The following FCGR2B variants were observed in gnomAD, a reference collection of about 807,000 sequenced individuals.
The protein encoded by FCGR2B is Fc gamma receptor IIb, also known as low affinity immunoglobulin gamma Fc region receptor II-b.
In FCGR2B, 18 loss-of-function variants were observed where a neutral mutation model predicts 24.8. The ratio of observed to expected loss-of-function variants is 0.73; its 90% confidence interval spans 0.50 to 1.08. The LOEUF is 1.08. Among genes scored for constraint, FCGR2B ranks in the 50% least tolerant of loss-of-function variants. The pLI is 0.00. For synonymous variants in FCGR2B, 79 were observed against 109.8 expected, an observed-to-expected ratio of 0.72 and a Z score of 1.75; for missense variants, 215 against 297.6, an observed-to-expected ratio of 0.72 and a Z score of 2.04.
intron 6 of FCGR2B, chr1:161,675,535 CAG>C (rs1450228779): frequency 1.1e-5 from 5 of 446,720 alleles, no homozygotes; most frequent in Non-Finnish European, 2.0e-5. Flanking sequence ...GTCCCAGATA[CAG>C]AAGAGAGGGC....
At chr1:161,654,661 G>A in the FCGR2B span, among the ~76,000 whole-genome samples, 1 of 132,886 alleles carries the variant, frequency 7.5e-6, no homozygotes, top group African/African-American at 2.5e-5. Flanking sequence ...GGCTTTCAGC[G>A]ATTTATTAAA....
the FCGR2B span, among the ~76,000 whole-genome samples, chr1:161,656,095 G>A: frequency 1.6e-5 from 2 of 127,764 alleles, no homozygotes; most frequent in Admixed American, 8.2e-5. Context: ...GAGCTGAGGT[G>A]ATCCACCTGC....
At chr1:161,675,176 C>G (rs1682008477) in intron 5 of FCGR2B, 81 bp from the exon 6 acceptor site, 2 of 942,580 alleles carry the variant, frequency 2.1e-6, no homozygotes, top group South Asian at 2.9e-5. Flanking sequence ...CTGGTCCCAT[C>G]CAACCCTGGC....
Position 161,677,531 on chromosome 1 carries a change from C to T in FCGR2B, c.911C>T (p.Pro304Leu), listed in dbSNP as rs778833256. Residue 304 changes from proline to leucine, a missense_variant, in exon 8 of 8, where the codon CCT becomes CTT. Coordinates refer to ENST00000358671, the MANE Select transcript of FCGR2B (RefSeq NM_001394477.1). Reference sequence around the variant, plus strand: ...ATGCACCCGGATGCTCTGGAAGAGCCTGATGACCAGAACCGTATTTAGTCT... The same window carrying T: ...ATGCACCCGGATGCTCTGGAAGAGCTTGATGACCAGAACCGTATTTAGTCT... ...LLMHPDALEEPDDQNRI is the reference protein window; with the variant it reads ...LLMHPDALEELDDQNRI 17 of 1,613,096 alleles carry T rather than the reference C, an allele frequency of 1.1e-5. No individual in the cohort carries two copies. The East Asian group carries it at 3.8e-4, about 36-fold the overall frequency.
intron 6 of FCGR2B, 166 bp downstream of exon 6, chr1:161,675,479 C>T (rs1034070493): frequency 1.4e-5 from 7 of 510,508 alleles, no homozygotes; most frequent in East Asian, 1.0e-4. Context: ...TAGTCTAACT[C>T]CTGGGCCTAA....
chr1:161,674,872 CT>C (rs1342394305), intron 5 of FCGR2B: 1 of 160,154 alleles, frequency 6.2e-6, no homozygotes, highest in Non-Finnish European at 1.3e-5. Flanking sequence ...AGAAAGAATC[CT>C]GCTAACACCT....
chr1:161,676,025 C>T lies in FCGR2B; in HGVS notation c.817+712C>T, dbSNP rs186463213. The T allele has an allele frequency of 1.7e-3, 400 of 232,114 alleles. 2 individuals carry two copies. Among genetic ancestry groups the T allele is most frequent in the African/African-American group, 4.9e-3 (221 of 45,352 alleles). 14.4% of individuals were successfully genotyped at this position (232,114 alleles called of 1,614,324 possible). ...AATGAGTGGGTGGCCAGGGTGACCT[C>T]TCAGGTCTTCTAGATTTGACATTCT... On this transcript the variant is annotated intron_variant, in intron 6 of 7. Coordinates refer to ENST00000358671, the MANE Select transcript of FCGR2B (RefSeq NM_001394477.1).
intron 4 of FCGR2B, chr1:161,673,514 G>T (rs532333115): frequency 4.1e-6 from 3 of 727,228 alleles, no homozygotes; most frequent in East Asian, 5.3e-5. Context: ...TGGTGCAGAG[G>T]TTCCCTAAGC....
chr1:161,651,784 T>C, the FCGR2B span, among the ~76,000 whole-genome samples: 22 of 121,256 alleles, frequency 1.8e-4, no homozygotes, highest in African/African-American at 5.7e-4. Flanking sequence ...AAACACAAAA[T>C]TAGCCAGTCG....
chr1:161,677,266 C>G (rs371088903), intron 6 of FCGR2B, 62 bp from the exon 7 acceptor site: 1 of 1,532,552 alleles, frequency 6.5e-7, no homozygotes, highest in African/African-American at 1.4e-5. Context: ...GCCTCAGCAT[C>G]AGCACAGGCA....
intron 3 of FCGR2B, chr1:161,672,278 G>A (rs912480128): frequency 1.3e-5 from 2 of 155,476 alleles, no homozygotes; most frequent in African/African-American, 4.9e-5. Flanking sequence ...ATTGAAAGGT[G>A]GCTCTCTGTA....
chr1:161,671,634 C>G lies in FCGR2B; in HGVS notation c.376C>G (p.Leu126Val). Residue 126 changes from leucine (L) to valine (V), a missense_variant, in exon 3 of 8, where the codon CTG becomes GTG. Physicochemically the swap from Leu to Val is conservative, Grantham distance 32 (BLOSUM62 1). Transcript: ENST00000358671. ...GQTSLSDPVH[L>V]TVLSEWLVLQ... ...GACCAGCCTCAGCGACCCTGTGCAT[C>G]TGACTGTGCTTTCTGGTCAGTGGAG... The G allele has an allele frequency of 5.0e-6, 8 of 1,613,724 alleles. No individual in the cohort carries two copies. The highest frequency in any genetic ancestry group is 5.9e-6 in the Non-Finnish European group (7 of 1,179,624).
the FCGR2B span, among the ~76,000 whole-genome samples, chr1:161,650,449 C>T: frequency 6.9e-6 from 1 of 144,768 alleles, no homozygotes. Context: ...TGAAGCAAGG[C>T]TCTCATTCTC....
the FCGR2B span, among the ~76,000 whole-genome samples, chr1:161,649,020 G>T: frequency 3.5e-3 from 522 of 150,912 alleles, no homozygotes; most frequent in East Asian, 0.03. Flanking sequence ...AGTTATGAAG[G>T]TCACTGAAGC....
chr1:161,648,108 G>C, the FCGR2B span, among the ~76,000 whole-genome samples: 1 of 150,306 alleles, frequency 6.7e-6, no homozygotes, highest in Admixed American at 6.7e-5. Context: ...GTTAAGAATA[G>C]GATTGGGCAG....
chr1:161,669,744 G>A (rs982077048), intron 1 of FCGR2B, among the ~76,000 whole-genome samples: 2 of 110,028 alleles, frequency 1.8e-5, no homozygotes, highest in African/African-American at 6.3e-5. Context: ...TGTGAACAGC[G>A]TGTGTCTGTG....
chr1:161,677,076 C>G, intron 6 of FCGR2B: 1 of 527,230 alleles, frequency 1.9e-6, no homozygotes, highest in South Asian at 2.6e-5. Flanking sequence ...CAGCAATTCC[C>G]TGAAAAGAAT....
chr1:161,647,653 C>G, the FCGR2B span, among the ~76,000 whole-genome samples: 109 of 150,948 alleles, frequency 7.2e-4, 5 homozygotes, highest in African/African-American at 2.3e-3. Flanking sequence ...TTGGCTGTTT[C>G]TTGCATTAAA....
At chr1:161,674,465 G>C in intron 5 of FCGR2B, 1 of 366,132 alleles carries the variant, frequency 2.7e-6, no homozygotes, top group Non-Finnish European at 5.3e-6. Flanking sequence ...AAGGTCTTGG[G>C]GAGAGCAGTG....
Sources: allele counts gnomAD v4.1 joint callset (sites outside exome capture counted in the v4.1 genomes callset), GRCh38; gene constraint gnomAD v4.1.1; transcripts MANE v1.5; gene names NCBI Gene and HGNC (gene_info 2026-07-23, HGNC 2026-07-21).